NRXN1: variants seen among roughly 807,000 people sequenced by gnomAD.
NRXN1 encodes the protein neurexin-1.
A neutral mutation model predicts 150.9 loss-of-function variants in NRXN1; 39 were observed. The observed-to-expected ratio is 0.26, with a 90% confidence interval of 0.20 to 0.34. NRXN1 has a LOEUF of 0.34. NRXN1 is among the 10% of genes least tolerant of loss of function. The pLI is 1.00. For synonymous variants in NRXN1, 924 were observed against 757.0 expected (o/e 1.22, Z -3.62); for missense variants, 1,815 against 1,949.9 (o/e 0.93, Z 1.30).
intron 17 of NRXN1, among the ~76,000 whole-genome samples, chr2:50,253,189 C>A (rs1046537442): frequency 1.3e-5 from 2 of 152,002 alleles, no homozygotes; most frequent in African/African-American, 4.8e-5. Context: ...AATGGGAGTT[C>A]ATTCACGATT....
At chr2:50,623,271 C>A (rs764566642) in intron 6 of NRXN1, 43 bp downstream of exon 6, 2 of 1,526,538 alleles carry the variant, frequency 1.3e-6, no homozygotes, top group Non-Finnish European at 1.8e-6. Context: ...ACAGCTATAG[C>A]GAGAAACAAA....
chr2:50,729,856 CTGT>C (rs1421777728), intron 5 of NRXN1, among the ~76,000 whole-genome samples: 1 of 152,198 alleles, frequency 6.6e-6, no homozygotes, highest in Non-Finnish European at 1.5e-5. Context: ...CTCAAAATTT[CTGT>C]TGTTCTCTGA....
chr2:50,108,641 C>T (rs1433443133), intron 18 of NRXN1, among the ~76,000 whole-genome samples: 1 of 152,058 alleles, frequency 6.6e-6, no homozygotes, highest in Non-Finnish European at 1.5e-5. Context: ...GTTCACTATG[C>T]ATTTTTGAGA....
intron 5 of NRXN1, among the ~76,000 whole-genome samples, chr2:50,901,481 G>T (rs1032079505): frequency 6.6e-6 from 1 of 152,140 alleles, no homozygotes; most frequent in South Asian, 2.1e-4. Context: ...AACTTGCAGT[G>T]AGCCGAGATT....
At chr2:50,863,418 G>A (rs1042328008) in intron 5 of NRXN1, among the ~76,000 whole-genome samples, 1 of 151,986 alleles carries the variant, frequency 6.6e-6, no homozygotes, top group East Asian at 1.9e-4. Flanking sequence ...GTTTGTGTGT[G>A]TGTTAAACTG....
chr2:50,384,452 G>A (rs1183737523), intron 17 of NRXN1, among the ~76,000 whole-genome samples: 4 of 138,804 alleles, frequency 2.9e-5, no homozygotes, highest in African/African-American at 1.1e-4. Flanking sequence ...GTTGCAGTGA[G>A]CCAGGATCAT....
intron 19 of NRXN1, among the ~76,000 whole-genome samples, chr2:50,073,248 A>C (rs1315768650): frequency 6.6e-6 from 1 of 152,170 alleles, no homozygotes; most frequent in South Asian, 2.1e-4. Context: ...AAATTATTTG[A>C]AATCATGTGT....
chr2:50,282,070 C>T (rs185334608), intron 17 of NRXN1, among the ~76,000 whole-genome samples: 38 of 152,252 alleles, frequency 2.5e-4, no homozygotes, highest in African/African-American at 9.1e-4. Context: ...AAATGTCTTA[C>T]AGTTATTGCT....
chr2:50,204,901 T>G (rs1432091250), intron 18 of NRXN1, among the ~76,000 whole-genome samples: 1 of 152,046 alleles, frequency 6.6e-6, no homozygotes, highest in Non-Finnish European at 1.5e-5. Context: ...TACTATTACT[T>G]CTGGTGTTAT....
Position 50,320,301 on chromosome 2 carries a change from T to C in NRXN1, c.3365-83331A>G, listed in dbSNP as rs1163766509. 7.4e-3 allele frequency among the ~76,000 whole-genome samples: 872 copies of C among 118,062 alleles called. 30 individuals carry two copies. Among genetic ancestry groups the C allele is most frequent in the Non-Finnish European group, 9.5e-3 (538 of 56,478 alleles). The allele number at this position is 118,062 out of a possible 152,430, so 77.5% of individuals were successfully genotyped here. A position where few individuals can be genotyped will look rare whatever the true frequency, so the allele number is the denominator to read the frequency against. On this transcript the variant is annotated intron_variant, in intron 17 of 22. Transcript: ENST00000401669. ...CCTCAATCATATATATATATATATA[T>C]ATATATATATATATATATATATATA... is the stretch of plus-strand genomic sequence containing the variant.
chr2:50,081,683 G>A (rs1421346363), intron 19 of NRXN1, among the ~76,000 whole-genome samples: 1 of 152,168 alleles, frequency 6.6e-6, no homozygotes, highest in Non-Finnish European at 1.5e-5. Context: ...CATTAAAGCT[G>A]AGAAGGAACA....
At position 50,810,766 on chromosome 2, in the gene NRXN1, G is replaced by A. The variant is rs535679877; in HGVS notation, c.832+111103C>T. On this transcript the variant is annotated intron_variant, in intron 5 of 22. Coordinates refer to ENST00000401669, the MANE Select transcript of NRXN1 (RefSeq NM_001330078.2). ...GGAGGACTAGGCAGGTGGATCAAGA[G>A]GTCAGGAGATGAAGACCATCCTGGC... Among the ~76,000 whole-genome samples the A allele has an allele frequency of 2.0e-5, 3 of 152,284 alleles. 1 individual carries two copies. The South Asian group carries it at 6.2e-4, about 32-fold the overall frequency.
intron 17 of NRXN1, among the ~76,000 whole-genome samples, chr2:50,350,508 G>T (rs1406399970): frequency 3.3e-5 from 5 of 152,218 alleles, no homozygotes; most frequent in East Asian, 1.9e-4. Flanking sequence ...GAACACAAAC[G>T]TTTGCCATTC....
chr2:50,261,092 A>T (rs1291529101), intron 17 of NRXN1, among the ~76,000 whole-genome samples: 1 of 151,754 alleles, frequency 6.6e-6, no homozygotes, highest in Non-Finnish European at 1.5e-5. Flanking sequence ...TGTAGAGACA[A>T]CCAGACTGCT....
chr2:50,111,413 G>A (rs1239477049), intron 18 of NRXN1, among the ~76,000 whole-genome samples: 6 of 151,972 alleles, frequency 3.9e-5, no homozygotes, highest in East Asian at 1.9e-4. Flanking sequence ...AGGTTGAGGC[G>A]GGCAGATCAC....
At chr2:50,768,076 A>G (rs1702572830) in intron 5 of NRXN1, among the ~76,000 whole-genome samples, 1 of 152,086 alleles carries the variant, frequency 6.6e-6, no homozygotes, top group Non-Finnish European at 1.5e-5. Flanking sequence ...TAGGATTTCT[A>G]CTCAGGCCTA....
chr2:49,940,937 G>A (rs116571414), intron 22 of NRXN1, among the ~76,000 whole-genome samples: 4 of 152,170 alleles, frequency 2.6e-5, no homozygotes, highest in African/African-American at 9.7e-5. Context: ...AAACTGAAGA[G>A]TGAGGAGGGA....
intron 18 of NRXN1, 22 bp downstream of exon 18, chr2:50,236,767 A>G (rs767279218): frequency 1.9e-6 from 3 of 1,610,114 alleles, no homozygotes; most frequent in Non-Finnish European, 2.5e-6. Flanking sequence ...TAAAAGCTGA[A>G]TCTTATGCAA....
At chr2:50,544,133 T>TG (rs2093443960) in intron 9 of NRXN1, among the ~76,000 whole-genome samples, 1 of 152,050 alleles carries the variant, frequency 6.6e-6, no homozygotes, top group African/African-American at 2.4e-5. Context: ...GCTCCACCTG[T>TG]CCCTACACAA....
Sources: gnomAD v4.1 joint callset for allele counts (sites outside exome capture counted in the v4.1 genomes callset) on GRCh38, gnomAD v4.1.1 for gene constraint, MANE v1.5 for transcripts, NCBI Gene and HGNC (gene_info 2026-07-23, HGNC 2026-07-21) for gene names.